Variants in MAN2A1 observed in about 807,000 individuals in gnomAD.
The protein encoded by MAN2A1 is mannosidase alpha class 2A member 1.
Under a neutral mutation model 142.6 loss-of-function variants are expected in MAN2A1, and 76 were observed. The ratio of observed to expected loss-of-function variants is 0.53; its 90% CI spans 0.44 to 0.65. The LOEUF is 0.65. MAN2A1 is among the 30% of genes least tolerant of loss of function. The probability of loss-of-function intolerance (pLI) is 0.00; values close to 1 mark genes in which losing one functional copy is unlikely to be tolerated. For missense variants in MAN2A1, 1,311 were observed against 1,365.1 expected (o/e 0.96, Z 0.62); for synonymous variants, 559 against 473.2 (o/e 1.18, Z -2.35).
intron 7 of MAN2A1, among the ~76,000 whole-genome samples, chr5:109,774,498 C>T (rs1434941504): frequency 6.6e-6 from 1 of 151,844 alleles, no homozygotes; most frequent in East Asian, 1.9e-4. Flanking sequence ...TATTATATGC[C>T]AAGTTGGTAC....
At chr5:109,741,525 A>G (rs938099943) in intron 4 of MAN2A1, among the ~76,000 whole-genome samples, 1 of 152,180 alleles carries the variant, frequency 6.6e-6, no homozygotes, top group South Asian at 2.1e-4. Context: ...CTTTTTGAAG[A>G]TGAGCTATGG....
At position 109,823,831 on chromosome 5, in the gene MAN2A1, A is replaced by G. The variant is rs1306027212; in HGVS notation, c.2560A>G (p.Ile854Val). ...HVTHRVRLYH[I>V]QGIEGQSVEV... Reference sequence around the variant, plus strand: ...TACTCATAGAGTCCGACTATACCACATACAGGGTAAGAAAATAGGAATGCA... The same window carrying G: ...TACTCATAGAGTCCGACTATACCACGTACAGGGTAAGAAAATAGGAATGCA... The change falls in exon 16 of 22, where the codon ATA becomes GTA. Residue 854 changes from isoleucine (I) to valine (V), a missense_variant. This residue lies in a region of MAN2A1 where 890 missense variants were observed against 920.5 expected (regional missense o/e 0.97). Coordinates refer to ENST00000261483, the MANE Select transcript of MAN2A1 (RefSeq NM_002372.4). The G allele has an allele frequency of 1.1e-5, 17 of 1,516,544 alleles. No individual in the cohort carries two copies. Among genetic ancestry groups the G allele is most frequent in the Non-Finnish European group, 1.4e-5 (16 of 1,115,104 alleles). 93.9% of individuals were successfully genotyped at this position (1,516,544 alleles called of 1,614,324 possible). A position where few individuals can be genotyped will look rare whatever the true frequency, so the allele number is the denominator to read the frequency against.
chr5:109,792,135 A>G (rs921306966), intron 12 of MAN2A1, among the ~76,000 whole-genome samples: 3 of 152,090 alleles, frequency 2.0e-5, no homozygotes, highest in Non-Finnish European at 2.9e-5. Flanking sequence ...TTCTCCCTGG[A>G]TGACCTCCCA....
At chr5:109,826,846 A>G (rs139580258) in intron 16 of MAN2A1, among the ~76,000 whole-genome samples, 105 of 152,360 alleles carry the variant, frequency 6.9e-4, no homozygotes, top group African/African-American at 2.5e-3. Context: ...TTAACATTCT[A>G]AACTTTGGCC....
intron 17 of MAN2A1, 126 bp downstream of exon 17, chr5:109,842,587 A>G (rs1755235975): frequency 1.8e-6 from 1 of 561,046 alleles, no homozygotes. Flanking sequence ...TATATCTAAA[A>G]TAAAACTGAA....
In MAN2A1 at chr5:109,730,809, G is replaced by A. The variant is rs941730862; in HGVS notation, c.707+1296G>A. On this transcript the variant is annotated intron_variant, in intron 4 of 21. Transcript: ENST00000261483. ...CTGAGTCGTCCAGGATCACAGGGCA[G>A]CCTGGCATTCCATGTAGTCCAGGCT... Among the ~76,000 whole-genome samples the A allele has an allele frequency of 2.6e-5, 4 of 152,170 alleles. No individual in the cohort carries two copies. The South Asian group carries it at 8.3e-4, about 31-fold the overall frequency.
chr5:109,798,111 A>G (rs751828084), intron 12 of MAN2A1, among the ~76,000 whole-genome samples: 7 of 152,228 alleles, frequency 4.6e-5, no homozygotes, highest in Non-Finnish European at 1.0e-4. Context: ...ATTATTGTCA[A>G]TTTTATTGTC....
At chr5:109,693,657 C>T (rs1750734653) in intron 1 of MAN2A1, among the ~76,000 whole-genome samples, 1 of 152,014 alleles carries the variant, frequency 6.6e-6, no homozygotes, top group Admixed American at 6.6e-5. Context: ...TGGCTGGACT[C>T]TGGGGCAAGA....
chr5:109,797,642 A>T (rs1038926059), intron 12 of MAN2A1, among the ~76,000 whole-genome samples: 4 of 152,184 alleles, frequency 2.6e-5, no homozygotes, highest in African/African-American at 4.8e-5. Context: ...ATGATCAAAG[A>T]TATAATTGAT....
At chr5:109,731,415 G>A (rs185028343) in intron 4 of MAN2A1, among the ~76,000 whole-genome samples, 76 of 150,868 alleles carry the variant, frequency 5.0e-4, no homozygotes, top group Middle Eastern at 3.4e-3. Context: ...CAATGTTCAG[G>A]TTAGTTACAT....
At chr5:109,697,056 G>A (rs1750835391) in intron 1 of MAN2A1, among the ~76,000 whole-genome samples, 1 of 152,188 alleles carries the variant, frequency 6.6e-6, no homozygotes, top group African/African-American at 2.4e-5. Flanking sequence ...TCAGGTCATT[G>A]TAAATAGATC....
chr5:109,748,341 A>G (rs1752459057), intron 4 of MAN2A1, among the ~76,000 whole-genome samples: 1 of 151,062 alleles, frequency 6.6e-6, no homozygotes, highest in Non-Finnish European at 1.5e-5. Flanking sequence ...GAGTGAGATT[A>G]AATTTCTTGT....
At chr5:109,742,358 G>T (rs967212783) in intron 4 of MAN2A1, among the ~76,000 whole-genome samples, 1 of 152,180 alleles carries the variant, frequency 6.6e-6, no homozygotes, top group Non-Finnish European at 1.5e-5. Flanking sequence ...AGTTAGTATA[G>T]ATTTTTTATC....
At chr5:109,743,952 G>T (rs145045018) in intron 4 of MAN2A1, among the ~76,000 whole-genome samples, 91 of 152,158 alleles carry the variant, frequency 6.0e-4, no homozygotes, top group Non-Finnish European at 1.0e-3. Flanking sequence ...CTCTACTCAG[G>T]CATTCTGAGC....
At chr5:109,768,191 G>A (rs1264893573) in intron 6 of MAN2A1, among the ~76,000 whole-genome samples, 1 of 151,990 alleles carries the variant, frequency 6.6e-6, no homozygotes, top group African/African-American at 2.4e-5. Context: ...GTGTTCTGTG[G>A]CCACGCAGGC....
chr5:109,793,535 TCTC>T (rs1316500864), intron 12 of MAN2A1, among the ~76,000 whole-genome samples: 1 of 152,100 alleles, frequency 6.6e-6, no homozygotes, highest in Non-Finnish European at 1.5e-5. Flanking sequence ...TGGTATATAT[TCTC>T]CTCAGGTGGT....
At chr5:109,768,774 G>A (rs1753061213) in intron 6 of MAN2A1, among the ~76,000 whole-genome samples, 1 of 152,102 alleles carries the variant, frequency 6.6e-6, no homozygotes, top group African/African-American at 2.4e-5. Flanking sequence ...CCTGTAGGGA[G>A]AACAAGAACT....
intron 11 of MAN2A1, 38 bp from the exon 12 acceptor site, chr5:109,789,422 G>A: frequency 8.1e-7 from 1 of 1,238,774 alleles, no homozygotes; most frequent in Non-Finnish European, 1.2e-6. Context: ...TCCATGGAGT[G>A]TTAAGTAAAA....
intron 4 of MAN2A1, among the ~76,000 whole-genome samples, chr5:109,738,655 C>G (rs1752177238): frequency 6.6e-6 from 1 of 152,064 alleles, no homozygotes; most frequent in Admixed American, 6.6e-5. Flanking sequence ...AATATTGAAA[C>G]CAATTTTATT....
Sources: allele counts gnomAD v4.1 joint callset (sites outside exome capture counted in the v4.1 genomes callset), GRCh38; gene constraint gnomAD v4.1.1; regional missense constraint gnomAD v4.1.1; transcripts MANE v1.5; gene names NCBI Gene and HGNC (gene_info 2026-07-23, HGNC 2026-07-21).